RAD51B: variants seen among roughly 807,000 people sequenced by gnomAD.
RAD51B encodes the protein DNA repair protein RAD51 homolog 2.
RAD51B carries 38 observed loss-of-function variants against 42.2 expected under a neutral mutation model. That is an observed-to-expected ratio of 0.90 (90% confidence interval 0.70 to 1.18). The LOEUF (loss-of-function observed/expected upper bound fraction) is 1.18, where lower values mean the gene tolerates loss of function less well. RAD51B is among the 50% of genes most tolerant of loss of function. The pLI, the probability that RAD51B is intolerant of heterozygous loss-of-function variation, is 0.00. For missense variants in RAD51B, 373 were observed against 400.7 expected, an observed-to-expected ratio of 0.93 and a Z score of 0.59; for synonymous variants, 154 against 145.2, an observed-to-expected ratio of 1.06 and a Z score of -0.43.
intron 8 of RAD51B, among the ~76,000 whole-genome samples, chr14:68,320,772 C>A (rs2082142814): frequency 6.6e-6 from 1 of 152,202 alleles, no homozygotes; most frequent in African/African-American, 2.4e-5. Flanking sequence ...GCCCTTCCAT[C>A]CCATCATCTG....
At chr14:67,886,573 T>C in intron 6 of RAD51B, 1 of 225,920 alleles carries the variant, frequency 4.4e-6, no homozygotes, top group Non-Finnish European at 8.8e-6. Flanking sequence ...ACTGGGCAAG[T>C]GAAAGAGTAC....
chr14:68,219,775 GTTCT>G (rs913710669), intron 7 of RAD51B, among the ~76,000 whole-genome samples: 35 of 152,072 alleles, frequency 2.3e-4, no homozygotes, highest in Non-Finnish European at 3.2e-4. Flanking sequence ...ACAAAATGAG[GTTCT>G]TTAACACCCC....
chr14:68,237,412 A>T (rs1469192084), intron 7 of RAD51B, among the ~76,000 whole-genome samples: 1 of 152,246 alleles, frequency 6.6e-6, no homozygotes. Flanking sequence ...AAATATTTTT[A>T]AAAACTTTAT....
intron 10 of RAD51B, among the ~76,000 whole-genome samples, chr14:68,575,929 A>G (rs752753817): frequency 9.2e-5 from 14 of 152,244 alleles, no homozygotes; most frequent in Non-Finnish European, 1.6e-4. Context: ...CAACTTATAG[A>G]TGGACGGGCA....
intron 7 of RAD51B, among the ~76,000 whole-genome samples, chr14:67,968,408 A>G (rs1329441317): frequency 6.6e-6 from 1 of 152,172 alleles, no homozygotes; most frequent in East Asian, 1.9e-4. Context: ...TCAGGCTGCA[A>G]GTTTTCTAAG....
intron 8 of RAD51B, among the ~76,000 whole-genome samples, chr14:68,357,333 A>T (rs1343024161): frequency 6.6e-6 from 1 of 152,148 alleles, no homozygotes; most frequent in Non-Finnish European, 1.5e-5. Flanking sequence ...TTCTAATTCT[A>T]ATTCTCTTGC....
At chr14:68,127,832 A>C (rs1200192983) in intron 7 of RAD51B, among the ~76,000 whole-genome samples, 1 of 152,228 alleles carries the variant, frequency 6.6e-6, no homozygotes, top group African/African-American at 2.4e-5. Context: ...ATCTGTTATC[A>C]GATAGAATTA....
chr14:67,998,646 G>A (rs931934975), intron 7 of RAD51B, among the ~76,000 whole-genome samples: 11 of 152,184 alleles, frequency 7.2e-5, no homozygotes, highest in South Asian at 4.1e-4. Flanking sequence ...CCACTGGTGA[G>A]TATTCTCTGG....
chr14:67,905,499 G>T (rs2043753929), intron 7 of RAD51B, among the ~76,000 whole-genome samples: 1 of 151,974 alleles, frequency 6.6e-6, no homozygotes. Flanking sequence ...AAATTGCTTT[G>T]GGCAGTATAG....
At chr14:68,031,608 C>G (rs555419789) in intron 7 of RAD51B, among the ~76,000 whole-genome samples, 30 of 152,136 alleles carry the variant, frequency 2.0e-4, no homozygotes, top group Admixed American at 1.8e-3. Context: ...GTGGGAAGAT[C>G]GCTTGAGGTT....
At chr14:68,301,671 A>T (rs2081742632) in intron 8 of RAD51B, among the ~76,000 whole-genome samples, 1 of 143,926 alleles carries the variant, frequency 6.9e-6, no homozygotes, top group South Asian at 2.1e-4. Flanking sequence ...ATCTCCACTC[A>T]CTGCAACCTC....
intron 9 of RAD51B, among the ~76,000 whole-genome samples, chr14:68,450,143 G>T (rs922681794): frequency 2.0e-5 from 3 of 151,294 alleles, no homozygotes; most frequent in Admixed American, 6.6e-5. Context: ...CCTGGTAGGC[G>T]GATAGGAGCA....
intron 10 of RAD51B, among the ~76,000 whole-genome samples, chr14:68,593,921 C>T (rs1160669986): frequency 6.6e-6 from 1 of 152,162 alleles, no homozygotes; most frequent in Admixed American, 6.5e-5. Flanking sequence ...CAGCCAGTGT[C>T]GGATCAGCTC....
rs539528885 is a variant in RAD51B, at chr14:67,857,671, T to C, written c.316-7332T>C. On this transcript the variant is annotated intron_variant, in intron 4 of 10. Transcript: ENST00000471583. ...AAACTTGGCACATGGATAGTATGTA[T>C]AGAAAGGCTAGTCCTTTTTCCTCTG... Among the ~76,000 whole-genome samples the C allele has an allele frequency of 9.8e-5, 15 of 152,336 alleles. No homozygotes were observed. The South Asian group carries it at 2.7e-3, about 27-fold the overall frequency.
chr14:68,337,010 A>G (rs1303903140), intron 8 of RAD51B, among the ~76,000 whole-genome samples: 3 of 152,218 alleles, frequency 2.0e-5, no homozygotes, highest in Non-Finnish European at 1.5e-5. Context: ...TCTAACTGAG[A>G]TGAATTCCTT....
At chr14:68,323,392 C>A (rs1194518955) in intron 8 of RAD51B, among the ~76,000 whole-genome samples, 1 of 152,166 alleles carries the variant, frequency 6.6e-6, no homozygotes, top group Non-Finnish European at 1.5e-5. Context: ...GGGCTGAGCC[C>A]CCACTTGTGA....
chr14:68,032,624 A>G (rs894923756), intron 7 of RAD51B, among the ~76,000 whole-genome samples: 1 of 152,172 alleles, frequency 6.6e-6, no homozygotes, highest in Admixed American at 6.5e-5. Flanking sequence ...GGGTGCTACC[A>G]TTTCAGTCCA....
intron 8 of RAD51B, among the ~76,000 whole-genome samples, chr14:68,293,248 G>GTTTTGT (rs1233010776): frequency 6.6e-6 from 1 of 151,800 alleles, no homozygotes; most frequent in Admixed American, 6.6e-5. Flanking sequence ...TTTGTTGTTT[G>GTTTTGT]TTTTGTTTTT....
chr14:67,838,264 G>A (rs1181145823), intron 4 of RAD51B, among the ~76,000 whole-genome samples: 1 of 152,120 alleles, frequency 6.6e-6, no homozygotes, highest in Non-Finnish European at 1.5e-5. Flanking sequence ...AGCGTAGATT[G>A]ACATACTGAT....
Sources: allele counts gnomAD v4.1 joint callset (sites outside exome capture counted in the v4.1 genomes callset), GRCh38; gene constraint gnomAD v4.1.1; transcripts MANE v1.5; gene names NCBI Gene and HGNC (gene_info 2026-07-23, HGNC 2026-07-21).